The following CTNNA2 variants were observed in gnomAD, a reference collection of about 807,000 sequenced individuals.
CTNNA2 encodes catenin alpha-2.
CTNNA2 carries 42 observed loss-of-function variants against 101.0 expected under a neutral mutation model. The observed-to-expected ratio is 0.42, with a 90% CI of 0.32 to 0.54. CTNNA2 has a LOEUF of 0.54. Ranked by LOEUF, CTNNA2 falls within the 20% of genes least tolerant of loss-of-function variation. CTNNA2 has a pLI of 0.14. For synonymous variants in CTNNA2, 450 were observed against 456.4 expected (o/e 0.99, Z 0.18); for missense variants, 871 against 1,223.1 (o/e 0.71, Z 4.29).
At chr2:79,331,911 G>A (rs1250820383) in intron 3 of CTNNA2, among the ~76,000 whole-genome samples, 1 of 152,176 alleles carries the variant, frequency 6.6e-6, no homozygotes, top group African/African-American at 2.4e-5. Context: ...TGATTGGGAT[G>A]TACTAGTTAT....
intron 4 of CTNNA2, among the ~76,000 whole-genome samples, chr2:79,437,232 CAA>C (rs70940035): frequency 3.1e-4 from 44 of 140,440 alleles, no homozygotes; most frequent in Non-Finnish European, 5.1e-4. Flanking sequence ...GAAACTGTCT[CAA>C]AAAAAAAAAA....
At chr2:79,206,260 A>C (rs369998392) in intron 2 of CTNNA2, among the ~76,000 whole-genome samples, 25 of 152,084 alleles carry the variant, frequency 1.6e-4, no homozygotes, top group African/African-American at 5.1e-4. Context: ...ATGGAAAAAA[A>C]GTTTCTTTAT....
chr2:80,602,509 T>G (rs1041053461), intron 15 of CTNNA2, among the ~76,000 whole-genome samples: 17 of 152,056 alleles, frequency 1.1e-4, no homozygotes, highest in Non-Finnish European at 2.2e-4. Flanking sequence ...CAACAAATAT[T>G]GTGTCAGAGT....
intron 7 of CTNNA2, among the ~76,000 whole-genome samples, chr2:80,132,643 G>A (rs1702476618): frequency 6.6e-6 from 1 of 152,080 alleles, no homozygotes; most frequent in Admixed American, 6.6e-5. Flanking sequence ...GGAGAATGGG[G>A]GTGAGAGTCA....
intron 4 of CTNNA2, among the ~76,000 whole-genome samples, chr2:79,387,249 G>A (rs1678115634): frequency 6.6e-6 from 1 of 152,106 alleles, no homozygotes; most frequent in South Asian, 2.1e-4. Context: ...CATGGGCTTT[G>A]GCCAGTCTGC....
At chr2:80,548,706 C>T (rs529139097) in intron 11 of CTNNA2, among the ~76,000 whole-genome samples, 4 of 152,278 alleles carry the variant, frequency 2.6e-5, no homozygotes, top group Admixed American at 1.3e-4. Context: ...GCAGCAGGCA[C>T]CTTTCCGCAG....
intron 2 of CTNNA2, among the ~76,000 whole-genome samples, chr2:79,293,834 T>C (rs1233835630): frequency 2.6e-5 from 4 of 152,148 alleles, no homozygotes; most frequent in African/African-American, 9.7e-5. Flanking sequence ...TAATGTGCTA[T>C]GAAATACAAA....
chr2:79,592,190 G>A (rs1370862472), intron 1 of CTNNA2, among the ~76,000 whole-genome samples: 1 of 150,030 alleles, frequency 6.7e-6, no homozygotes, highest in Non-Finnish European at 1.5e-5. Context: ...GCACAATCTC[G>A]GCTCACTGCA....
chr2:80,490,402 T>C (rs1426954372), intron 9 of CTNNA2, among the ~76,000 whole-genome samples: 1 of 151,460 alleles, frequency 6.6e-6, no homozygotes, highest in Non-Finnish European at 1.5e-5. Flanking sequence ...ACAGACAAAG[T>C]GCGAATGAAT....
chr2:79,194,205 T>C (rs568406325), intron 1 of CTNNA2, among the ~76,000 whole-genome samples: 1 of 152,152 alleles, frequency 6.6e-6, no homozygotes, highest in Admixed American at 6.5e-5. Flanking sequence ...GTAAGAATAC[T>C]GAGAGGGTTT....
At chr2:80,554,875 C>A (rs948839586) in intron 11 of CTNNA2, among the ~76,000 whole-genome samples, 8 of 152,272 alleles carry the variant, frequency 5.3e-5, no homozygotes, top group African/African-American at 1.9e-4. Flanking sequence ...AGATCTCACA[C>A]TGGACATGAA....
At chr2:79,412,249 T>C (rs1343042171) in intron 4 of CTNNA2, among the ~76,000 whole-genome samples, 3 of 151,984 alleles carry the variant, frequency 2.0e-5, no homozygotes, top group Admixed American at 6.6e-5. Flanking sequence ...ATAAAGCAAG[T>C]CCTTAGAGAC....
intron 1 of CTNNA2, among the ~76,000 whole-genome samples, chr2:79,624,254 G>T (rs1679171447): frequency 6.6e-6 from 1 of 152,220 alleles, no homozygotes; most frequent in East Asian, 1.9e-4. Flanking sequence ...TATGAAAATA[G>T]CTATATTCAT....
intron 2 of CTNNA2, among the ~76,000 whole-genome samples, chr2:79,286,874 C>T (rs949921252): frequency 5.9e-5 from 9 of 152,162 alleles, no homozygotes; most frequent in African/African-American, 1.9e-4. Context: ...CCATTCTCTC[C>T]GTCACTTTCA....
At chr2:79,327,034 T>C (rs1245561803) in intron 3 of CTNNA2, among the ~76,000 whole-genome samples, 2 of 152,210 alleles carry the variant, frequency 1.3e-5, no homozygotes, top group Non-Finnish European at 2.9e-5. Context: ...CTTGGTTTTC[T>C]AGATGATAAA....
intron 7 of CTNNA2, among the ~76,000 whole-genome samples, chr2:80,392,297 T>C (rs1199786850): frequency 6.6e-6 from 1 of 152,200 alleles, no homozygotes; most frequent in Non-Finnish European, 1.5e-5. Context: ...ACTAGCACCA[T>C]AAATAAATCA....
At chr2:80,479,057 A>G (rs1559143013) in intron 9 of CTNNA2, among the ~76,000 whole-genome samples, 1 of 151,600 alleles carries the variant, frequency 6.6e-6, no homozygotes, top group Non-Finnish European at 1.5e-5. Flanking sequence ...TCTTTCATCA[A>G]TATTTTGTGG....
chr2:80,610,239 C>T (rs773045074), intron 17 of CTNNA2, among the ~76,000 whole-genome samples: 2 of 151,696 alleles, frequency 1.3e-5, no homozygotes, highest in African/African-American at 4.8e-5. Flanking sequence ...TTTGCCAATT[C>T]TGCCTCCATC....
At chr2:80,339,158 TTCAC>T (rs1419378980) in intron 7 of CTNNA2, among the ~76,000 whole-genome samples, 1 of 152,132 alleles carries the variant, frequency 6.6e-6, no homozygotes, top group African/African-American at 2.4e-5. Flanking sequence ...ACAAACCACT[TTCAC>T]TAATAATATA....
Sources: gnomAD v4.1 joint callset for allele counts (sites outside exome capture counted in the v4.1 genomes callset) on GRCh38, gnomAD v4.1.1 for gene constraint, MANE v1.5 for transcripts, NCBI Gene and HGNC (gene_info 2026-07-23, HGNC 2026-07-21) for gene names.